CTNNA3: variants seen among roughly 807,000 people sequenced by gnomAD.
CTNNA3 encodes catenin alpha-3.
CTNNA3 carries 76 observed loss-of-function variants against 95.7 expected under a neutral mutation model. That is an observed-to-expected ratio of 0.79 (90% CI 0.66 to 0.96). The LOEUF (loss-of-function observed/expected upper bound fraction) is 0.96. CTNNA3 is among the 40% of genes least tolerant of loss of function. CTNNA3 has a pLI of 0.00. For synonymous variants in CTNNA3, 431 were observed against 374.4 expected (o/e 1.15, Z -1.74); for missense variants, 1,191 against 1,089.8 (o/e 1.09, Z -1.31).
At chr10:67,388,865 G>C (rs1439444258) in intron 5 of CTNNA3, among the ~76,000 whole-genome samples, 1 of 152,184 alleles carries the variant, frequency 6.6e-6, no homozygotes, top group Non-Finnish European at 1.5e-5. Context: ...AATGCTGAGA[G>C]ATTTTGTCAC....
upstream of CTNNA3, among the ~76,000 whole-genome samples, chr10:67,700,309 G>C (rs1200555960): frequency 2.0e-5 from 3 of 152,182 alleles, no homozygotes; most frequent in Admixed American, 1.3e-4. Context: ...CTGAGAATGG[G>C]CAGACTGCCT....
chr10:67,215,740 G>A (rs1206708445), intron 6 of CTNNA3, among the ~76,000 whole-genome samples: 1 of 152,132 alleles, frequency 6.6e-6, no homozygotes, highest in East Asian at 1.9e-4. Context: ...TCTCCAACAA[G>A]GTGGTCAAAT....
chr10:65,988,187 G>A (rs2078466910), intron 16 of CTNNA3, among the ~76,000 whole-genome samples: 1 of 151,976 alleles, frequency 6.6e-6, no homozygotes, highest in Non-Finnish European at 1.5e-5. Flanking sequence ...TTTTGAATGT[G>A]TTCAAAACAA....
At chr10:67,604,943 A>G (rs1843213566) in intron 3 of CTNNA3, among the ~76,000 whole-genome samples, 1 of 152,232 alleles carries the variant, frequency 6.6e-6, no homozygotes. Flanking sequence ...TATAACATAC[A>G]TAACAAAGTG....
chr10:67,379,774 C>G (rs1033167154), intron 5 of CTNNA3, among the ~76,000 whole-genome samples: 1 of 152,166 alleles, frequency 6.6e-6, no homozygotes, highest in Admixed American at 6.5e-5. Flanking sequence ...GTAATCCCAG[C>G]ACTTTGGGAG....
intron 3 of CTNNA3, among the ~76,000 whole-genome samples, chr10:67,540,950 TTC>T (rs1366261272): frequency 1.2e-4 from 18 of 151,962 alleles, no homozygotes; most frequent in Non-Finnish European, 2.1e-4. Flanking sequence ...CTTCGTTTTC[TTC>T]TTTTTTTAAT....
At chr10:66,446,631 A>T (rs1427836003) in intron 11 of CTNNA3, among the ~76,000 whole-genome samples, 1 of 152,176 alleles carries the variant, frequency 6.6e-6, no homozygotes, top group African/African-American at 2.4e-5. Context: ...AAAACCCTTC[A>T]TGCTAAAAAC....
At chr10:66,117,662 A>G (rs1373593510) in intron 13 of CTNNA3, among the ~76,000 whole-genome samples, 1 of 152,208 alleles carries the variant, frequency 6.6e-6, no homozygotes, top group Non-Finnish European at 1.5e-5. Flanking sequence ...TGAAAGGACC[A>G]CTAATAAGGC....
intron 5 of CTNNA3, among the ~76,000 whole-genome samples, chr10:67,345,785 C>T (rs1016622524): frequency 6.6e-6 from 1 of 151,990 alleles, no homozygotes. Context: ...CATTCAGCCA[C>T]TCAATGTCTT....
At chr10:67,198,895 G>A (rs1863504075) in intron 6 of CTNNA3, among the ~76,000 whole-genome samples, 1 of 152,208 alleles carries the variant, frequency 6.6e-6, no homozygotes, top group Non-Finnish European at 1.5e-5. Flanking sequence ...TTACCAAAGA[G>A]CCTTATTTTT....
intron 9 of CTNNA3, among the ~76,000 whole-genome samples, chr10:66,641,698 T>A (rs1455069444): frequency 6.6e-6 from 1 of 152,158 alleles, no homozygotes; most frequent in Non-Finnish European, 1.5e-5. Context: ...TCTCTTAATA[T>A]TAGTTTGTCA....
At chr10:66,542,592 C>T (rs1841894487) in intron 10 of CTNNA3, among the ~76,000 whole-genome samples, 1 of 152,052 alleles carries the variant, frequency 6.6e-6, no homozygotes, top group Non-Finnish European at 1.5e-5. Flanking sequence ...TTTGTATGGA[C>T]ATGGATGAAG....
At chr10:66,350,035 C>A (rs1010006107) in intron 12 of CTNNA3, among the ~76,000 whole-genome samples, 29 of 152,074 alleles carry the variant, frequency 1.9e-4, no homozygotes, top group Non-Finnish European at 4.0e-4. Flanking sequence ...AGCAACGTAA[C>A]ACATTGGTGA....
chr10:67,434,349 C>T (rs61866933), intron 5 of CTNNA3, among the ~76,000 whole-genome samples: 7,348 of 151,884 alleles, frequency 0.048, 238 homozygotes, highest in Non-Finnish European at 0.069. Context: ...TCCATAAGCC[C>T]CTATCACAGT....
At chr10:66,299,748 G>A (rs1455518824) in intron 12 of CTNNA3, among the ~76,000 whole-genome samples, 1 of 151,994 alleles carries the variant, frequency 6.6e-6, no homozygotes, top group Non-Finnish European at 1.5e-5. Context: ...AAAAGAGAAG[G>A]TAATAAAGAA....
intron 13 of CTNNA3, among the ~76,000 whole-genome samples, chr10:66,274,066 G>T (rs1023973386): frequency 6.6e-6 from 1 of 152,118 alleles, no homozygotes; most frequent in Non-Finnish European, 1.5e-5. Flanking sequence ...TTTCGTAAAG[G>T]CTAAAACAAA....
intron 10 of CTNNA3, among the ~76,000 whole-genome samples, chr10:66,552,439 C>T: frequency 6.6e-6 from 1 of 152,098 alleles, no homozygotes; most frequent in East Asian, 1.9e-4. Flanking sequence ...GAAAATCAAC[C>T]CTGTAAAATT....
At chr10:66,280,387 T>C (rs2091471014) in intron 13 of CTNNA3, 83 bp downstream of exon 13, 2 of 1,212,646 alleles carry the variant, frequency 1.6e-6, no homozygotes, top group South Asian at 1.3e-5. Flanking sequence ...AGCATAGAAA[T>C]AAAGCATTTC....
At chr10:67,749,316 T>C (rs1306747966) in intron 1 of CTNNA3, among the ~76,000 whole-genome samples, 10 of 152,224 alleles carry the variant, frequency 6.6e-5, no homozygotes, top group East Asian at 3.8e-4. Context: ...GTGGACCTGA[T>C]GGATATCTAC....
Sources: allele counts gnomAD v4.1 joint callset (sites outside exome capture counted in the v4.1 genomes callset), GRCh38; gene constraint gnomAD v4.1.1; transcripts MANE v1.5; gene names NCBI Gene and HGNC (gene_info 2026-07-23, HGNC 2026-07-21).